The following CEP162 variants were observed in gnomAD, a reference collection of about 807,000 sequenced individuals.
The protein encoded by CEP162 is centrosomal protein 162.
A neutral mutation model predicts 169.2 loss-of-function variants in CEP162; 141 were observed. The ratio of observed to expected loss-of-function variants is 0.83; its 90% CI spans 0.73 to 0.96. The LOEUF (loss-of-function observed/expected upper bound fraction) is 0.96, where lower values mean the gene tolerates loss of function less well. CEP162 is among the 40% of genes least tolerant of loss of function. CEP162 has a pLI of 0.00. For missense variants in CEP162, 1,600 were observed against 1,587.2 expected, an observed-to-expected ratio of 1.01 and a Z score of -0.14; for synonymous variants, 540 against 526.4, an observed-to-expected ratio of 1.03 and a Z score of -0.35.
At chr6:84,167,293 A>G (rs2099528191) in intron 18 of CEP162, among the ~76,000 whole-genome samples, 1 of 152,096 alleles carries the variant, frequency 6.6e-6, no homozygotes, top group Non-Finnish European at 1.5e-5. Flanking sequence ...GTTGTTTATG[A>G]TCATCTACTT....
rs192399470 is a variant in CEP162, at chr6:84,200,070, G to A, written c.835+719C>T. ...TTGAGATCATCCTGGCTAACACGGT[G>A]AAACCTTGTCTCTACTAAAAAAATA... On this transcript the variant is annotated intron_variant, in intron 9 of 26. Transcript: ENST00000403245. Among the ~76,000 whole-genome samples, 26 of 152,186 alleles carry A rather than the reference G, an allele frequency of 1.7e-4. No individual in the cohort carries two copies. The East Asian group carries it at 4.8e-3, about 28-fold the overall frequency.
At chr6:84,156,688 C>A (rs927763211) in intron 21 of CEP162, among the ~76,000 whole-genome samples, 1 of 151,700 alleles carries the variant, frequency 6.6e-6, no homozygotes, top group Admixed American at 6.6e-5. Context: ...AAGAGAACCA[C>A]TTGATCCAGC....
chr6:84,131,596 T>C (rs1003830206), intron 25 of CEP162, among the ~76,000 whole-genome samples: 2 of 152,080 alleles, frequency 1.3e-5, no homozygotes, highest in East Asian at 3.9e-4. Flanking sequence ...TTTACCATTA[T>C]GGCCTTGTCT....
intron 9 of CEP162, among the ~76,000 whole-genome samples, chr6:84,197,825 C>CAAAAAAA (rs564556727): frequency 2.0e-4 from 13 of 64,176 alleles, no homozygotes; most frequent in African/African-American, 4.3e-4. Context: ...TCAAACAAAA[C>CAAAAAAA]AAAAAAAAAA....
At chr6:84,127,168 T>C (rs1247788143) in intron 25 of CEP162, among the ~76,000 whole-genome samples, 2 of 152,152 alleles carry the variant, frequency 1.3e-5, no homozygotes, top group Non-Finnish European at 2.9e-5. Context: ...CAATTAATTG[T>C]ATCTTCTTTA....
chr6:84,187,656 T>C (rs2099537783), intron 11 of CEP162, among the ~76,000 whole-genome samples: 1 of 152,146 alleles, frequency 6.6e-6, no homozygotes, highest in African/African-American at 2.4e-5. Flanking sequence ...GGCTTAGTTG[T>C]CAAGTTTAGG....
At chr6:84,204,795 T>G (rs1440922104) in intron 6 of CEP162, among the ~76,000 whole-genome samples, 2 of 151,966 alleles carry the variant, frequency 1.3e-5, no homozygotes. Flanking sequence ...CAGGAGCTGG[T>G]TTTTTGAAAA....
At chr6:84,162,165 T>C (rs953452086) in intron 19 of CEP162, among the ~76,000 whole-genome samples, 1 of 152,208 alleles carries the variant, frequency 6.6e-6, no homozygotes, top group Non-Finnish European at 1.5e-5. Flanking sequence ...TTTTGATAAA[T>C]TATTTTCCAC....
chr6:84,179,543 T>G (rs868631357), intron 13 of CEP162, among the ~76,000 whole-genome samples: 13 of 152,140 alleles, frequency 8.5e-5, no homozygotes, highest in African/African-American at 3.1e-4. Context: ...AAATTTGAGT[T>G]CTTTGTAGAT....
At chr6:84,173,404 A>T (rs2099530987) in intron 16 of CEP162, among the ~76,000 whole-genome samples, 1 of 152,234 alleles carries the variant, frequency 6.6e-6, no homozygotes, top group Non-Finnish European at 1.5e-5. Flanking sequence ...AGCCCATCAT[A>T]AATTAAAACT....
At chr6:84,149,157 G>C (rs2099520182) in intron 24 of CEP162, among the ~76,000 whole-genome samples, 1 of 151,946 alleles carries the variant, frequency 6.6e-6, no homozygotes, top group South Asian at 2.1e-4. Flanking sequence ...AAAGGTCATG[G>C]GGCAGGAAGA....
chr6:84,217,832 G>T (rs899366568), intron 3 of CEP162: 1 of 152,178 alleles, frequency 6.6e-6, no homozygotes, highest in African/African-American at 2.4e-5. Flanking sequence ...TGAGGAATGA[G>T]GAGGAATAAC....
Position 84,182,204 on chromosome 6 carries a change from G to C in CEP162, c.1663+2983C>G, listed in dbSNP as rs141713128. On this transcript the variant is annotated intron_variant, in intron 13 of 26. Transcript: ENST00000403245. ...TATTATATAAGTATATACATAGTGA[G>C]ATGCATGGAATCTGCTCACCCAGCA... 3.5e-3 allele frequency among the ~76,000 whole-genome samples: 525 copies of C among 152,128 alleles called. 3 individuals carry two copies. The highest frequency in any genetic ancestry group is 0.012 in the African/African-American group (483 of 41,522).
intron 25 of CEP162, among the ~76,000 whole-genome samples, chr6:84,143,599 AT>A (rs2129195539): frequency 6.6e-6 from 1 of 152,122 alleles, no homozygotes; most frequent in African/African-American, 2.4e-5. Flanking sequence ...GAACAAAAAA[AT>A]GAATGAATGT....
intron 16 of CEP162, 113 bp downstream of exon 16, chr6:84,173,935 T>G: frequency 1.3e-6 from 1 of 791,532 alleles, no homozygotes; most frequent in Non-Finnish European, 2.0e-6. Context: ...TCCGCCCACC[T>G]CATCCTCCCA....
chr6:84,186,035 G>A (rs1554172813), intron 12 of CEP162, among the ~76,000 whole-genome samples: 1 of 151,994 alleles, frequency 6.6e-6, no homozygotes, highest in Non-Finnish European at 1.5e-5. Flanking sequence ...ATACTACAAT[G>A]ATGAATAAAC....
At position 84,125,149 on chromosome 6, in the gene CEP162, T is replaced by C. The variant is rs1415629948; in HGVS notation, c.4133A>G (p.Asp1378Gly). The C allele has an allele frequency of 7.4e-6, 12 of 1,613,418 alleles. No homozygotes were observed. The highest frequency in any genetic ancestry group is 1.0e-5 in the Non-Finnish European group (12 of 1,179,652). Residue 1378 changes from aspartate to glycine, a missense_variant, in exon 27 of 27, where the codon GAT becomes GGT. By Grantham distance (94) the Asp-to-Gly change is moderately conservative (BLOSUM62 -1). Coordinates refer to ENST00000403245, the MANE Select transcript of CEP162 (RefSeq NM_014895.4). Reference sequence around the variant, plus strand: ...TTGCCGGTGCAGCTCTCGGAGAACATCTAATATTGAGTCTAGTTCTGTGCG... The same window carrying C: ...TTGCCGGTGCAGCTCTCGGAGAACACCTAATATTGAGTCTAGTTCTGTGCG... ...KFRTELDSIL[D>G]VLRELHRQGV...
chr6:84,137,379 A>C (rs1402578612), intron 25 of CEP162, among the ~76,000 whole-genome samples: 1 of 150,364 alleles, frequency 6.7e-6, no homozygotes, highest in Non-Finnish European at 1.5e-5. Context: ...TCATTCCACT[A>C]TCTGTTCATA....
At chr6:84,200,480 T>A (rs1015686458) in intron 9 of CEP162, among the ~76,000 whole-genome samples, 1 of 152,206 alleles carries the variant, frequency 6.6e-6, no homozygotes, top group Non-Finnish European at 1.5e-5. Flanking sequence ...CATGGCAGAT[T>A]TAACTGAATA....
Sources: allele counts gnomAD v4.1 joint callset (sites outside exome capture counted in the v4.1 genomes callset), GRCh38; gene constraint gnomAD v4.1.1; transcripts MANE v1.5; gene names NCBI Gene and HGNC (gene_info 2026-07-23, HGNC 2026-07-21).